NBAS: variants seen among roughly 807,000 people sequenced by gnomAD.
NBAS encodes the protein NBAS subunit of NRZ tethering complex.
NBAS carries 219 observed loss-of-function variants against 302.5 expected under a neutral mutation model. The observed-to-expected ratio is 0.72, with a 90% CI of 0.65 to 0.81. NBAS has a LOEUF of 0.81. NBAS is among the 30% of genes least tolerant of loss of function. The pLI, the probability that NBAS is intolerant of heterozygous loss-of-function variation, is 0.00. For synonymous variants in NBAS, 1,118 were observed against 1,021.6 expected, an observed-to-expected ratio of 1.09 and a Z score of -1.80; for missense variants, 2,932 against 2,841.6, an observed-to-expected ratio of 1.03 and a Z score of -0.72.
At chr2:15,431,048 C>A (rs1677740364) in intron 21 of NBAS, among the ~76,000 whole-genome samples, 2 of 151,858 alleles carry the variant, frequency 1.3e-5, no homozygotes, top group Admixed American at 6.6e-5. Flanking sequence ...CCCAGGTAAT[C>A]CACCCACCTC....
At chr2:15,336,230 T>C (rs1408107468) in intron 35 of NBAS, among the ~76,000 whole-genome samples, 1 of 152,212 alleles carries the variant, frequency 6.6e-6, no homozygotes, top group East Asian at 1.9e-4. Context: ...ATTACATGCA[T>C]ACTATTAATG....
chr2:14,991,936 G>A, the NBAS span, among the ~76,000 whole-genome samples: 2 of 152,140 alleles, frequency 1.3e-5, no homozygotes, highest in African/African-American at 2.4e-5. Flanking sequence ...ACTAAGCAGG[G>A]CATGCCGGTG....
downstream of NBAS, among the ~76,000 whole-genome samples, chr2:15,165,474 G>A (rs1663993945): frequency 1.3e-5 from 2 of 152,204 alleles, no homozygotes; most frequent in South Asian, 2.1e-4. Flanking sequence ...AGGGGAGTGA[G>A]CAATTACATA....
intron 29 of NBAS, among the ~76,000 whole-genome samples, chr2:15,381,745 T>C (rs1400977472): frequency 6.6e-6 from 1 of 152,204 alleles, no homozygotes; most frequent in Non-Finnish European, 1.5e-5. Flanking sequence ...GGGAAGACAA[T>C]GGCAGTTGTA....
chr2:14,788,689 T>A, the NBAS span, among the ~76,000 whole-genome samples: 1 of 152,274 alleles, frequency 6.6e-6, no homozygotes, highest in East Asian at 1.9e-4. Context: ...GGAAGTTTTG[T>A]CTCAGAGGAG....
Position 15,320,551 on chromosome 2 carries a change from C to A in NBAS, c.4582+7199G>T, listed in dbSNP as rs372017772. Among the ~76,000 whole-genome samples, 4 of 152,286 alleles carry A rather than the reference C, an allele frequency of 2.6e-5. No homozygotes were observed. In the East Asian group the frequency reaches 7.7e-4, roughly 29 times the overall value. On this transcript the variant is annotated intron_variant, in intron 38 of 51. Coordinates refer to ENST00000281513, the MANE Select transcript of NBAS (RefSeq NM_015909.4). ...AGCTGATAAACAACTTCAGCAAAGTCTCAGGATACAAAATCAAGGTGCAAA... is the reference window on the plus strand; with the variant it reads ...AGCTGATAAACAACTTCAGCAAAGTATCAGGATACAAAATCAAGGTGCAAA...
At chr2:15,062,851 A>T in the NBAS span, among the ~76,000 whole-genome samples, 1 of 152,222 alleles carries the variant, frequency 6.6e-6, no homozygotes, top group Non-Finnish European at 1.5e-5. Context: ...GAAACTAAGC[A>T]GTCAATCAAA....
intron 51 of NBAS, among the ~76,000 whole-genome samples, chr2:15,169,816 A>T (rs192564754): frequency 1.8e-4 from 27 of 152,332 alleles, no homozygotes; most frequent in Admixed American, 1.7e-3. Context: ...CAAAGCTCAC[A>T]TTCTTTCAGT....
intron 21 of NBAS, among the ~76,000 whole-genome samples, chr2:15,458,228 T>G (rs893649351): frequency 6.6e-6 from 1 of 152,142 alleles, no homozygotes; most frequent in African/African-American, 2.4e-5. Context: ...AAGAAAGAAT[T>G]ATGAGTATAG....
the NBAS span, among the ~76,000 whole-genome samples, chr2:15,034,270 A>AAGAG: frequency 9.9e-6 from 1 of 100,690 alleles, no homozygotes; most frequent in African/African-American, 4.3e-5. Flanking sequence ...GAAAGAAAGA[A>AAGAG]AGAAAGAGAG....
chr2:15,542,631 AT>A lies in NBAS; in HGVS notation c.380-3276del, dbSNP rs1439085585. Among the ~76,000 whole-genome samples the A allele has an allele frequency of 1.9e-4, 29 of 151,766 alleles. No homozygotes were observed. The Middle Eastern group carries it at 0.01, about 53-fold the overall frequency. On this transcript the variant is annotated intron_variant, in intron 6 of 51. Coordinates refer to ENST00000281513, the MANE Select transcript of NBAS (RefSeq NM_015909.4). ...ACACCCAAGAATGATCAATAAAAAA[AT>A]AAATAAATAAATAAGATAAAAAAAA...
chr2:15,501,317 T>C (rs1661538294), intron 11 of NBAS, among the ~76,000 whole-genome samples: 1 of 151,090 alleles, frequency 6.6e-6, no homozygotes. Flanking sequence ...TGCCAGACAA[T>C]GAGAAGTTAT....
At chr2:15,316,262 A>G (rs866291438) in intron 38 of NBAS, among the ~76,000 whole-genome samples, 12 of 152,210 alleles carry the variant, frequency 7.9e-5, no homozygotes, top group African/African-American at 2.7e-4. Flanking sequence ...GTTCCAAGAC[A>G]GCCAAATAGG....
intron 44 of NBAS, among the ~76,000 whole-genome samples, chr2:15,250,417 A>C (rs1003902362): frequency 2.0e-5 from 3 of 152,192 alleles, no homozygotes; most frequent in Non-Finnish European, 4.4e-5. Flanking sequence ...AGACTTAATG[A>C]CTAAAACACC....
At chr2:15,091,585 T>G in the NBAS span, among the ~76,000 whole-genome samples, 1 of 151,748 alleles carries the variant, frequency 6.6e-6, no homozygotes. Context: ...CAGGCTGGAG[T>G]GCAGTGGCAC....
At chr2:14,828,102 G>A in the NBAS span, among the ~76,000 whole-genome samples, 2 of 152,040 alleles carry the variant, frequency 1.3e-5, no homozygotes, top group South Asian at 4.1e-4. Flanking sequence ...ATTGTATATG[G>A]TCAGAAATTA....
At chr2:15,106,478 T>TCTCTCTCTCA in the NBAS span, among the ~76,000 whole-genome samples, 445 of 150,144 alleles carry the variant, frequency 3.0e-3, 1 homozygote, top group Non-Finnish European at 4.8e-3. Flanking sequence ...TCTCTCTCTC[T>TCTCTCTCTCA]CACTCTCCAG....
At chr2:15,474,393 G>T in intron 14 of NBAS, 69 bp from the exon 15 acceptor site, 1 of 1,406,034 alleles carries the variant, frequency 7.1e-7, no homozygotes, top group Non-Finnish European at 9.7e-7. Flanking sequence ...ATTAATGAAA[G>T]AAAATATATT....
At chr2:15,501,510 T>C (rs947592205) in intron 11 of NBAS, among the ~76,000 whole-genome samples, 3 of 152,010 alleles carry the variant, frequency 2.0e-5, no homozygotes, top group Non-Finnish European at 4.4e-5. Context: ...GGCTATTTTA[T>C]GTATATTACC....
Sources: gnomAD v4.1 joint callset for allele counts (sites outside exome capture counted in the v4.1 genomes callset) on GRCh38, gnomAD v4.1.1 for gene constraint, MANE v1.5 for transcripts, NCBI Gene and HGNC (gene_info 2026-07-23, HGNC 2026-07-21) for gene names.